CCN4: variants seen among roughly 807,000 people sequenced by gnomAD.
CCN4 encodes CCN family member 4.
In CCN4, 30 loss-of-function variants were observed where a neutral mutation model predicts 36.7. The ratio of observed to expected loss-of-function variants is 0.82; its 90% CI spans 0.61 to 1.11. The LOEUF (loss-of-function observed/expected upper bound fraction) is 1.11, where lower values mean the gene tolerates loss of function less well. Among genes scored for constraint, CCN4 ranks in the 50% least tolerant of loss-of-function variants. The probability of loss-of-function intolerance (pLI) is 0.00; values close to 1 mark genes in which losing one functional copy is unlikely to be tolerated. For synonymous variants in CCN4, 191 were observed against 195.4 expected, an observed-to-expected ratio of 0.98 and a Z score of 0.19; for missense variants, 505 against 504.9, an observed-to-expected ratio of 1.00 and a Z score of 0.00.
chr8:133,209,261 C>G (rs552905729), intron 1 of CCN4, among the ~76,000 whole-genome samples: 1 of 152,318 alleles, frequency 6.6e-6, no homozygotes. Flanking sequence ...GACCCAAATC[C>G]TAGGTAAGCG....
chr8:133,203,856 C>T (rs1401472252), intron 1 of CCN4, among the ~76,000 whole-genome samples: 2 of 152,202 alleles, frequency 1.3e-5, no homozygotes, highest in Non-Finnish European at 1.5e-5. Flanking sequence ...GCTCCTATGC[C>T]TATTGCTAAG....
chr8:133,205,957 C>G lies in CCN4; in HGVS notation c.70-6907C>G, dbSNP rs189038372. Among the ~76,000 whole-genome samples, 17 of 152,254 alleles carry G rather than the reference C, an allele frequency of 1.1e-4. No homozygotes were observed. The East Asian group carries it at 2.3e-3, about 21-fold the overall frequency. On this transcript the variant is annotated intron_variant, in intron 1 of 4. Transcript: ENST00000250160. ...ATTGCTTACACAGAAATGGGTTTATCGTTTTTATTTTGACAAAGGCCATAC... is the reference window on the plus strand; with the variant it reads ...ATTGCTTACACAGAAATGGGTTTATGGTTTTTATTTTGACAAAGGCCATAC...
chr8:133,211,851 G>A (rs1202340350), intron 1 of CCN4, among the ~76,000 whole-genome samples: 1 of 152,192 alleles, frequency 6.6e-6, no homozygotes, highest in Non-Finnish European at 1.5e-5. Context: ...TCTTCCTCTT[G>A]CAGGCCCAGG....
chr8:133,207,691 C>G (rs977551032), intron 1 of CCN4, among the ~76,000 whole-genome samples: 1 of 151,812 alleles, frequency 6.6e-6, no homozygotes, highest in Admixed American at 6.6e-5. Flanking sequence ...ATAGTGCAAA[C>G]AGAGTTCTCC....
At chr8:133,206,373 G>A (rs146770144) in intron 1 of CCN4, among the ~76,000 whole-genome samples, 13 of 152,192 alleles carry the variant, frequency 8.5e-5, no homozygotes, top group African/African-American at 1.4e-4. Flanking sequence ...GGATGACTCC[G>A]CAAGCGGATG....
chr8:133,200,650 T>C (rs1435557601), intron 1 of CCN4, among the ~76,000 whole-genome samples: 1 of 152,234 alleles, frequency 6.6e-6, no homozygotes, highest in Non-Finnish European at 1.5e-5. Context: ...TGTCATTTTC[T>C]TGTTGTGTCT....
At chr8:133,226,391 C>T (rs1854736370) in intron 4 of CCN4, among the ~76,000 whole-genome samples, 1 of 152,256 alleles carries the variant, frequency 6.6e-6, no homozygotes, top group Non-Finnish European at 1.5e-5. Flanking sequence ...CATCACTCCT[C>T]ATCCCCTAGA....
chr8:133,212,714 G>T, intron 1 of CCN4, 150 bp from the exon 2 acceptor site: 1 of 660,500 alleles, frequency 1.5e-6, no homozygotes, highest in Non-Finnish European at 2.6e-6. Context: ...GAGAATAAAG[G>T]AGATGTTTGG....
At chr8:133,216,950 A>G (rs1854341887) in intron 2 of CCN4, among the ~76,000 whole-genome samples, 1 of 152,238 alleles carries the variant, frequency 6.6e-6, no homozygotes, top group South Asian at 2.1e-4. Flanking sequence ...GAGCAGGTCT[A>G]GCTCCTGGCC....
chr8:133,221,465 T>C (rs1854524656), intron 3 of CCN4, among the ~76,000 whole-genome samples: 1 of 152,068 alleles, frequency 6.6e-6, no homozygotes, highest in African/African-American at 2.4e-5. Context: ...GATGGATGGA[T>C]GGATTGGTGA....
rs773627731 is a variant in CCN4, at chr8:133,213,107, G to A, written c.313G>A (p.Gly105Arg). 2.5e-6 allele frequency: 4 copies of A among 1,613,532 alleles called. No homozygotes were observed. The highest frequency in any genetic ancestry group is 1.7e-5 in the Admixed American group (1 of 59,988). ...PHRGLYCDYS[G>R]DRPRYAIGVC... ...CCGGGGCCTCTACTGTGACTACAGC[G>A]GGGACCGCCCGAGGTACGCAATAGG... The change falls in exon 2 of 5, where the codon GGG becomes AGG. Residue 105 changes from glycine to arginine, a missense_variant. Coordinates refer to ENST00000250160, the MANE Select transcript of CCN4 (RefSeq NM_003882.4).
At position 133,227,422 on chromosome 8, in the gene CCN4, G is replaced by A; in HGVS notation, c.816G>A (p.Lys272=). 6.2e-7 allele frequency: 1 copy of A among 1,610,778 alleles called. No individual in the cohort carries two copies. The highest frequency in any genetic ancestry group is 8.5e-7 in the Non-Finnish European group (1 of 1,177,680). Reference sequence around the variant, plus strand: ...TTCCTTTCCTTCAGGCAGGGAAGAAGTGTCTGGCTGTGTACCAGCCAGAGG... The same window carrying A: ...TTCCTTTCCTTCAGGCAGGGAAGAAATGTCTGGCTGTGTACCAGCCAGAGG... ...DIHTLIKAGK[K]CLAVYQPEAS... Residue 272 remains lysine (K), a synonymous_variant, in exon 5 of 5, where the codon AAG becomes AAA. Transcript: ENST00000250160.
rs532012991 is a variant in CCN4 at position 133,230,384 on chromosome 8, G to A, written c.*2674G>A. The A allele has an allele frequency of 6.6e-6, 1 of 152,350 alleles. No homozygotes were observed. Among genetic ancestry groups the A allele is most frequent in the South Asian group, 2.1e-4 (1 of 4,826 alleles). The allele number at this position is 152,350 out of a possible 1,614,324, so 9.4% of individuals were successfully genotyped here. A position where few individuals can be genotyped will look rare whatever the true frequency, so the allele number is the denominator to read the frequency against. ...GTGTTTACTTGGTGCCAAGCACTAT[G>A]CTAAGTTGTTCATTATTTTATTTAA... On this transcript the variant is annotated 3_prime_UTR_variant, in exon 5 of 5. Coordinates refer to ENST00000250160, the MANE Select transcript of CCN4 (RefSeq NM_003882.4).
At chr8:133,203,654 GGCA>G (rs1164786301) in intron 1 of CCN4, among the ~76,000 whole-genome samples, 9 of 152,180 alleles carry the variant, frequency 5.9e-5, no homozygotes, top group Admixed American at 2.0e-4. Context: ...AGCTGGGAGT[GGCA>G]GGAGGTTGGG....
intron 2 of CCN4, among the ~76,000 whole-genome samples, chr8:133,214,949 G>A (rs1164092670): frequency 2.6e-5 from 4 of 152,156 alleles, no homozygotes; most frequent in Admixed American, 2.0e-4. Flanking sequence ...TATTTTATCT[G>A]AACCACATGG....
At chr8:133,195,116 GGT>G (rs780270786) in intron 1 of CCN4, among the ~76,000 whole-genome samples, 1 of 148,208 alleles carries the variant, frequency 6.7e-6, no homozygotes, top group Non-Finnish European at 1.5e-5. Flanking sequence ...GCTTGTGCAT[GGT>G]GTGTGTATGG....
At chr8:133,227,359 G>C (rs1854775142) in intron 4 of CCN4, 52 bp from the exon 5 acceptor site, 2 of 1,541,778 alleles carry the variant, frequency 1.3e-6, no homozygotes, top group Non-Finnish European at 1.7e-6. Flanking sequence ...GGAAGAAGGT[G>C]GTTGTCCATT....
chr8:133,197,091 ATGGTGGTGG>A (rs900451937), intron 1 of CCN4, among the ~76,000 whole-genome samples: 1 of 151,342 alleles, frequency 6.6e-6, no homozygotes, highest in African/African-American at 2.4e-5. Flanking sequence ...GATGATGATG[ATGGTGGTGG>A]TGGTGGTGGT....
At position 133,229,876 on chromosome 8, in the gene CCN4, A is replaced by G. The variant is rs1285529009; in HGVS notation, c.*2166A>G. The G allele has an allele frequency of 6.6e-6, 1 of 152,264 alleles. No homozygotes were observed. Among genetic ancestry groups the G allele is most frequent in the African/African-American group, 2.4e-5 (1 of 41,480 alleles). The allele number at this position is 152,264 out of a possible 1,614,324, so 9.4% of individuals were successfully genotyped here. A position where few individuals can be genotyped will look rare whatever the true frequency, so the allele number is the denominator to read the frequency against. ...TGTATGCGTATGCAAGAATTCTTGTATAAAGAGAATTCACTCCATGAATGA... is the reference window on the plus strand; with the variant it reads ...TGTATGCGTATGCAAGAATTCTTGTGTAAAGAGAATTCACTCCATGAATGA... On this transcript the variant is annotated 3_prime_UTR_variant, in exon 5 of 5. Coordinates refer to ENST00000250160, the MANE Select transcript of CCN4 (RefSeq NM_003882.4).
Sources: gnomAD v4.1 joint callset for allele counts (sites outside exome capture counted in the v4.1 genomes callset) on GRCh38, gnomAD v4.1.1 for gene constraint, MANE v1.5 for transcripts, NCBI Gene and HGNC (gene_info 2026-07-23, HGNC 2026-07-21) for gene names.